GRID2: variants seen among roughly 807,000 people sequenced by gnomAD.
GRID2 encodes glutamate ionotropic receptor delta type subunit 2, also known as glutamate receptor ionotropic, delta-2.
A neutral mutation model predicts 114.8 loss-of-function variants in GRID2; 33 were observed. The observed-to-expected ratio is 0.29, with a 90% CI of 0.22 to 0.38. GRID2 has a LOEUF of 0.38. Among genes scored for constraint, GRID2 ranks in the 10% least tolerant of loss-of-function variants. GRID2 has a pLI of 1.00. For synonymous variants in GRID2, 505 were observed against 449.9 expected, an observed-to-expected ratio of 1.12 and a Z score of -1.55; for missense variants, 1,184 against 1,257.7, an observed-to-expected ratio of 0.94 and a Z score of 0.89.
intron 14 of GRID2, among the ~76,000 whole-genome samples, chr4:93,749,113 G>A (rs547605115): frequency 5.3e-5 from 8 of 152,294 alleles, no homozygotes; most frequent in Admixed American, 5.2e-4. Context: ...CTGTGTGTGA[G>A]CAAATGCATG....
intron 13 of GRID2, among the ~76,000 whole-genome samples, chr4:93,625,869 C>T (rs1417261178): frequency 3.9e-5 from 6 of 152,064 alleles, no homozygotes; most frequent in Non-Finnish European, 7.4e-5. Flanking sequence ...GAGCGGAGAT[C>T]GCGCCACTGC....
chr4:93,560,940 A>T (rs28724303), intron 13 of GRID2, among the ~76,000 whole-genome samples: 1 of 10,458 alleles, frequency 9.6e-5, no homozygotes, highest in East Asian at 1.9e-3. Context: ...ATAAATATTT[A>T]TATTTAATAT....
chr4:92,415,391 T>C (rs747407606), intron 1 of GRID2, among the ~76,000 whole-genome samples: 3 of 151,786 alleles, frequency 2.0e-5, no homozygotes, highest in Non-Finnish European at 4.4e-5. Flanking sequence ...TCTTTAGTGG[T>C]GGTTTCTGAG....
chr4:93,396,870 G>T (rs1282088419), intron 9 of GRID2, among the ~76,000 whole-genome samples: 1 of 151,960 alleles, frequency 6.6e-6, no homozygotes, highest in Non-Finnish European at 1.5e-5. Context: ...CTATTCCAAT[G>T]TGTTTAATCA....
At chr4:92,546,523 T>C (rs1726269632) in intron 1 of GRID2, among the ~76,000 whole-genome samples, 1 of 152,218 alleles carries the variant, frequency 6.6e-6, no homozygotes, top group African/African-American at 2.4e-5. Flanking sequence ...TCTTCTAATG[T>C]TTAAAATTAT....
At chr4:92,581,344 T>C (rs1036443630) in intron 1 of GRID2, among the ~76,000 whole-genome samples, 3 of 151,992 alleles carry the variant, frequency 2.0e-5, no homozygotes, top group Non-Finnish European at 1.5e-5. Context: ...TATTCCAACA[T>C]GAAATTATTT....
intron 8 of GRID2, among the ~76,000 whole-genome samples, chr4:93,386,631 A>T (rs1040032477): frequency 4.6e-5 from 7 of 152,178 alleles, no homozygotes; most frequent in African/African-American, 1.7e-4. Context: ...TACAAATGGC[A>T]CCACGCAAGG....
chr4:92,689,056 G>A (rs562764704), intron 2 of GRID2, among the ~76,000 whole-genome samples: 1 of 152,274 alleles, frequency 6.6e-6, no homozygotes, highest in Non-Finnish European at 1.5e-5. Flanking sequence ...CAGTATCAAT[G>A]AGCACTAATA....
intron 2 of GRID2, among the ~76,000 whole-genome samples, chr4:92,652,991 T>A (rs1300002372): frequency 7.8e-6 from 1 of 127,518 alleles, no homozygotes; most frequent in Non-Finnish European, 1.7e-5. Context: ...TAAATATATA[T>A]AAATATATAT....
chr4:93,176,745 G>A (rs1739379741), intron 4 of GRID2, among the ~76,000 whole-genome samples: 1 of 152,028 alleles, frequency 6.6e-6, no homozygotes, highest in Admixed American at 6.6e-5. Flanking sequence ...ATTTTTTGTA[G>A]ACTCTCTTGA....
At position 93,716,716 on chromosome 4, in the gene GRID2, TAA is replaced by T. The variant is rs561421321; in HGVS notation, c.2361-52493_2361-52492del. Among the ~76,000 whole-genome samples the T allele has an allele frequency of 7.4e-4, 112 of 152,180 alleles. 5 individuals are homozygous for T. The South Asian group carries it at 0.023, about 31-fold the overall frequency. On this transcript the variant is annotated intron_variant, in intron 14 of 15. Coordinates refer to ENST00000282020, the MANE Select transcript of GRID2 (RefSeq NM_001510.4). ...TTAAAATCAATACATACTTAAATAT[TAA>T]GTTAGCTCTCCCTCCTTCACTAATA...
chr4:92,356,017 A>G (rs1397420576), intron 1 of GRID2, among the ~76,000 whole-genome samples: 1 of 151,836 alleles, frequency 6.6e-6, no homozygotes, highest in Non-Finnish European at 1.5e-5. Context: ...CATTTCATTC[A>G]TCCATTCATT....
intron 14 of GRID2, among the ~76,000 whole-genome samples, chr4:93,697,655 T>C (rs1463080408): frequency 2.0e-5 from 3 of 151,988 alleles, no homozygotes; most frequent in African/African-American, 2.4e-5. Flanking sequence ...GGGGGAAAGA[T>C]GTTGGTCAAA....
In GRID2 at chr4:92,941,462, C is replaced by G. The variant is rs1055636945; in HGVS notation, c.245-143533C>G. ...TGTCTATTTGATTCTTCTGTCTTCT[C>G]TTCTTTATTAGTCTTGCTAGTGTTC... is the stretch of plus-strand genomic sequence containing the variant. On this transcript the variant is annotated intron_variant, in intron 2 of 15. Coordinates refer to ENST00000282020, the MANE Select transcript of GRID2 (RefSeq NM_001510.4). Among the ~76,000 whole-genome samples the G allele has an allele frequency of 3.9e-5, 6 of 151,994 alleles. No homozygotes were observed. In the East Asian group the frequency reaches 9.7e-4, roughly 24 times the overall value.
At chr4:93,324,830 G>T (rs1757650470) in intron 8 of GRID2, among the ~76,000 whole-genome samples, 1 of 152,144 alleles carries the variant, frequency 6.6e-6, no homozygotes, top group Admixed American at 6.5e-5. Context: ...GCGTAGAGGT[G>T]TTTATAGTAT....
At chr4:92,927,340 T>C (rs1274757576) in intron 2 of GRID2, among the ~76,000 whole-genome samples, 1 of 151,882 alleles carries the variant, frequency 6.6e-6, no homozygotes, top group Non-Finnish European at 1.5e-5. Flanking sequence ...AGCCTGCCAG[T>C]TCTATGGATG....
chr4:93,478,565 TATG>T (rs1398082247), intron 11 of GRID2, among the ~76,000 whole-genome samples: 5 of 151,310 alleles, frequency 3.3e-5, no homozygotes, highest in Non-Finnish European at 7.4e-5. Context: ...ATAGATTAAA[TATG>T]ATAAAATATT....
chr4:93,224,849 C>A, intron 7 of GRID2, 74 bp downstream of exon 7: 1 of 1,057,138 alleles, frequency 9.5e-7, no homozygotes, highest in Non-Finnish European at 1.4e-6. Context: ...AGGGTTTCCT[C>A]TTTAATATTT....
At chr4:92,781,857 T>C (rs1036588921) in intron 2 of GRID2, among the ~76,000 whole-genome samples, 1 of 152,084 alleles carries the variant, frequency 6.6e-6, no homozygotes, top group African/African-American at 2.4e-5. Flanking sequence ...GTATGTGTGT[T>C]ATAGCTCAAT....
Sources: gnomAD v4.1 joint callset for allele counts (sites outside exome capture counted in the v4.1 genomes callset) on GRCh38, gnomAD v4.1.1 for gene constraint, MANE v1.5 for transcripts, NCBI Gene and HGNC (gene_info 2026-07-23, HGNC 2026-07-21) for gene names.